Variants in RAB23 observed in about 807,000 individuals in gnomAD.
RAB23 encodes the protein RAB23, member RAS oncogene family.
A neutral mutation model predicts 30.0 loss-of-function variants in RAB23; 15 were observed. The observed-to-expected ratio is 0.50, with a 90% CI of 0.33 to 0.77. The LOEUF (loss-of-function observed/expected upper bound fraction) is 0.77. Ranked by LOEUF, RAB23 falls within the 30% of genes least tolerant of loss-of-function variation. The pLI is 0.02. For missense variants in RAB23, 243 were observed against 275.4 expected (o/e 0.88, Z 0.83); for synonymous variants, 93 against 94.0 (o/e 0.99, Z 0.06).
At chr6:57,218,940 G>A (rs1296792806) in intron 1 of RAB23, among the ~76,000 whole-genome samples, 3 of 151,840 alleles carry the variant, frequency 2.0e-5, no homozygotes, top group Non-Finnish European at 4.4e-5. Flanking sequence ...TGGGAACAAG[G>A]TAAGGATATA....
intron 3 of RAB23, among the ~76,000 whole-genome samples, chr6:57,204,963 TATACAC>T (rs751253273): frequency 1.3e-4 from 19 of 151,784 alleles, no homozygotes; most frequent in Non-Finnish European, 2.5e-4. Context: ...TATATGTGTA[TATACAC>T]ATACACATAC....
At position 57,190,715 on chromosome 6, in the gene RAB23, TGTA is replaced by T. The variant is rs1764809298; in HGVS notation, c.575-118_575-116del. The T allele has an allele frequency of 9.3e-6, 13 of 1,400,274 alleles. No homozygotes were observed. The South Asian group carries it at 1.2e-4, about 13-fold the overall frequency. 86.7% of individuals were successfully genotyped at this position (1,400,274 alleles called of 1,614,324 possible). On this transcript the variant is annotated intron_variant, in intron 6 of 6. Coordinates refer to ENST00000468148, the MANE Select transcript of RAB23 (RefSeq NM_016277.5). ...CAAGTATTTACAGTTTCTCTAAAAT[TGTA>T]GTAAAATCCAACAAAATTTAGCATC...
At chr6:57,190,708 C>A in intron 6 of RAB23, 108 bp from the exon 7 acceptor site, 1 of 1,434,580 alleles carries the variant, frequency 7.0e-7, no homozygotes, top group South Asian at 1.2e-5. Context: ...TACAGTTTCT[C>A]TAAAATTGTA....
chr6:57,208,366 G>A (rs1275849881), intron 2 of RAB23, among the ~76,000 whole-genome samples: 1 of 152,016 alleles, frequency 6.6e-6, no homozygotes, highest in Non-Finnish European at 1.5e-5. Context: ...GCAATTTACC[G>A]CCAGTCACGG....
chr6:57,200,054 C>A (rs1765186046), intron 3 of RAB23, among the ~76,000 whole-genome samples: 1 of 151,960 alleles, frequency 6.6e-6, no homozygotes, highest in African/African-American at 2.4e-5. Flanking sequence ...TAAAAAAAAA[C>A]TTTGACTGAG....
At chr6:57,193,702 AC>A in intron 6 of RAB23, 139 bp downstream of exon 6, 1 of 1,220,136 alleles carries the variant, frequency 8.2e-7, no homozygotes, top group South Asian at 1.6e-5. Context: ...ATACCTTTTA[AC>A]AAGAGACCTG....
chr6:57,202,562 T>C (rs923361469), intron 3 of RAB23, among the ~76,000 whole-genome samples: 10 of 152,106 alleles, frequency 6.6e-5, no homozygotes, highest in African/African-American at 2.4e-4. Context: ...CTGGTGATAA[T>C]CTTGCAACCC....
In RAB23 at chr6:57,188,376, A is replaced by G. The variant is rs987274613; in HGVS notation, c.*2085T>C. ...CAGTTCTTATTTAAAAAAAGATAAAACTAGGTACATAAAATTATATTACAG... is the reference window on the plus strand; with the variant it reads ...CAGTTCTTATTTAAAAAAAGATAAAGCTAGGTACATAAAATTATATTACAG... On this transcript the variant is annotated 3_prime_UTR_variant, in exon 7 of 7. Coordinates refer to ENST00000468148, the MANE Select transcript of RAB23 (RefSeq NM_016277.5). 2.6e-5 allele frequency: 4 copies of G among 152,180 alleles called. No individual in the cohort carries two copies. The highest frequency in any genetic ancestry group is 2.6e-4 in the Admixed American group (4 of 15,280). The allele number at this position is 152,180 out of a possible 1,614,324, so 9.4% of individuals were successfully genotyped here. A position where few individuals can be genotyped will look rare whatever the true frequency, so the allele number is the denominator to read the frequency against.
chr6:57,192,541 T>C (rs901091587), intron 6 of RAB23, among the ~76,000 whole-genome samples: 4 of 152,178 alleles, frequency 2.6e-5, no homozygotes, highest in African/African-American at 7.2e-5. Flanking sequence ...AAAAACTACA[T>C]GAAGAAGGTA....
intron 4 of RAB23, among the ~76,000 whole-genome samples, chr6:57,195,475 C>G (rs1217473941): frequency 1.3e-5 from 2 of 152,204 alleles, no homozygotes; most frequent in Non-Finnish European, 2.9e-5. Context: ...GGCTTCTGGT[C>G]TTCAGCCCCT....
chr6:57,201,232 C>T (rs1275782554), intron 3 of RAB23, among the ~76,000 whole-genome samples: 1 of 152,096 alleles, frequency 6.6e-6, no homozygotes, highest in Non-Finnish European at 1.5e-5. Flanking sequence ...AGGCGCCCAC[C>T]ACCATGCCCA....
intron 3 of RAB23, among the ~76,000 whole-genome samples, chr6:57,205,252 G>GTA (rs908876295): frequency 7.5e-4 from 114 of 151,320 alleles, no homozygotes; most frequent in Middle Eastern, 3.4e-3. Flanking sequence ...ATGTGTGTGT[G>GTA]TATATATATA....
intron 3 of RAB23, among the ~76,000 whole-genome samples, chr6:57,207,121 A>T (rs1262520125): frequency 6.6e-6 from 1 of 152,228 alleles, no homozygotes; most frequent in African/African-American, 2.4e-5. Flanking sequence ...TTGGAAGTTT[A>T]ATTTAGCCTT....
intron 3 of RAB23, among the ~76,000 whole-genome samples, chr6:57,202,972 C>T (rs1765319845): frequency 6.9e-6 from 1 of 145,274 alleles, no homozygotes; most frequent in African/African-American, 2.5e-5. Flanking sequence ...ATACAGTCAG[C>T]TAAAAAGTTA....
intron 1 of RAB23, among the ~76,000 whole-genome samples, chr6:57,212,345 C>A (rs2128005221): frequency 6.6e-6 from 1 of 152,134 alleles, no homozygotes; most frequent in African/African-American, 2.4e-5. Flanking sequence ...GGAGCTCTTT[C>A]CACCCCATCT....
At chr6:57,199,816 T>A (rs775642443) in intron 3 of RAB23, among the ~76,000 whole-genome samples, 3 of 152,180 alleles carry the variant, frequency 2.0e-5, no homozygotes, top group Admixed American at 6.5e-5. Flanking sequence ...GGATTACTTT[T>A]TATGGATTAC....
intron 1 of RAB23, among the ~76,000 whole-genome samples, chr6:57,219,354 T>C (rs1393516057): frequency 6.6e-6 from 1 of 152,180 alleles, no homozygotes; most frequent in Non-Finnish European, 1.5e-5. Context: ...GAAAGACATA[T>C]CATGTTCATA....
chr6:57,219,300 T>C (rs1765967525), intron 1 of RAB23, among the ~76,000 whole-genome samples: 1 of 152,236 alleles, frequency 6.6e-6, no homozygotes, highest in East Asian at 1.9e-4. Flanking sequence ...ATCTGTATGC[T>C]GAAAACTACA....
At chr6:57,201,652 C>T (rs1486658066) in intron 3 of RAB23, among the ~76,000 whole-genome samples, 2 of 152,156 alleles carry the variant, frequency 1.3e-5, no homozygotes, top group Non-Finnish European at 2.9e-5. Flanking sequence ...TCACATAAAA[C>T]TTATATTAAA....
Sources: allele counts gnomAD v4.1 joint callset (sites outside exome capture counted in the v4.1 genomes callset), GRCh38; gene constraint gnomAD v4.1.1; transcripts MANE v1.5; gene names NCBI Gene and HGNC (gene_info 2026-07-23, HGNC 2026-07-21).